RAPGEF5: variants seen among roughly 807,000 people sequenced by gnomAD.
RAPGEF5 encodes M-Ras-regulated GEF.
RAPGEF5 carries 65 observed loss-of-function variants against 125.2 expected under a neutral mutation model. The observed-to-expected ratio is 0.52, with a 90% CI of 0.43 to 0.64. RAPGEF5 has a LOEUF of 0.64. Ranked by LOEUF, RAPGEF5 falls within the 30% of genes least tolerant of loss-of-function variation. The pLI is 0.00. For missense variants in RAPGEF5, 958 were observed against 1,048.1 expected (o/e 0.91, Z 1.19); for synonymous variants, 391 against 385.9 (o/e 1.01, Z -0.16).
At chr7:22,299,800 A>T (rs1215638028) in intron 5 of RAPGEF5, among the ~76,000 whole-genome samples, 2 of 150,410 alleles carry the variant, frequency 1.3e-5, no homozygotes, top group Admixed American at 1.3e-4. Flanking sequence ...CACCTTAAAG[A>T]CTTTCTTCCA....
rs1382538470 is a variant in RAPGEF5, at chr7:22,120,043, C to A, written c.*2363G>T. Reference sequence around the variant, plus strand: ...GAAACTTCTGAGAGCTGCTGCCTGGCAAACCTCTGGAGACAGTTGTTAAAC... The same window carrying A: ...GAAACTTCTGAGAGCTGCTGCCTGGAAAACCTCTGGAGACAGTTGTTAAAC... On this transcript the variant is annotated 3_prime_UTR_variant, in exon 26 of 26. Transcript: ENST00000665637. The surrounding 1 kb of genome is among the most constrained non-coding windows in gnomAD (Gnocchi z 4.0). The A allele has an allele frequency of 6.6e-6, 1 of 152,222 alleles. No individual in the cohort carries two copies. The highest frequency in any genetic ancestry group is 1.5e-5 in the Non-Finnish European group (1 of 68,050). The allele number at this position is 152,222 out of a possible 1,614,324, so 9.4% of individuals were successfully genotyped here.
In RAPGEF5 at chr7:22,301,614, C is replaced by CAA. The variant is rs35404390; in HGVS notation, c.680+6723_680+6724dup. Reference sequence around the variant, plus strand: ...TGGGTGGCAGAGTGAGACTCTGTCTCAAAAAAAAAAAAAAAAAAAAAATTA... The same window carrying CAA: ...TGGGTGGCAGAGTGAGACTCTGTCTCAAAAAAAAAAAAAAAAAAAAAAAATTA... On this transcript the variant is annotated intron_variant, in intron 5 of 25. Coordinates refer to ENST00000665637, the MANE Select transcript of RAPGEF5 (RefSeq NM_012294.5). 1.2e-3 allele frequency among the ~76,000 whole-genome samples: 97 copies of CAA among 83,534 alleles called. 1 individual carries two copies. Among genetic ancestry groups the CAA allele is most frequent in the African/African-American group, 2.7e-3 (57 of 21,264 alleles). The allele number at this position is 83,534 out of a possible 152,430, so 54.8% of individuals were successfully genotyped here.
intron 5 of RAPGEF5, 66 bp downstream of exon 5, chr7:22,308,273 G>A (rs1297582278): frequency 2.8e-6 from 4 of 1,414,680 alleles, no homozygotes; most frequent in Non-Finnish European, 3.8e-6. Flanking sequence ...GCAGAATATA[G>A]TCCCTAGACA....
chr7:22,163,361 G>A (rs1338496996), intron 12 of RAPGEF5, among the ~76,000 whole-genome samples: 1 of 152,160 alleles, frequency 6.6e-6, no homozygotes, highest in Non-Finnish European at 1.5e-5. Context: ...AAAAATGATG[G>A]CCCAGCAGTA....
intron 7 of RAPGEF5, among the ~76,000 whole-genome samples, chr7:22,263,243 T>A (rs1301865127): frequency 6.6e-6 from 1 of 152,178 alleles, no homozygotes. Flanking sequence ...GTTCTGGTTG[T>A]GATACCATAC....
chr7:22,264,051 A>G (rs1281411201), intron 7 of RAPGEF5, among the ~76,000 whole-genome samples: 1 of 152,214 alleles, frequency 6.6e-6, no homozygotes, highest in East Asian at 1.9e-4. Context: ...TCTCCCAAAC[A>G]TCATTTTAAA....
At chr7:22,144,549 G>A (rs1859806) in intron 20 of RAPGEF5, among the ~76,000 whole-genome samples, 73,374 of 151,956 alleles carry the variant, frequency 0.48, 17,922 homozygotes, top group East Asian at 0.62. Flanking sequence ...ATTTAGAGTG[G>A]CTAGAGCATG....
intron 3 of RAPGEF5, among the ~76,000 whole-genome samples, 187 bp downstream of exon 3, chr7:22,315,183 G>T (rs1267480972): frequency 6.6e-6 from 1 of 152,144 alleles, no homozygotes; most frequent in Non-Finnish European, 1.5e-5. Context: ...CAGAACAGGA[G>T]TCAAACTGTA....
chr7:22,275,401 T>C (rs1782533618), intron 6 of RAPGEF5, among the ~76,000 whole-genome samples: 1 of 152,192 alleles, frequency 6.6e-6, no homozygotes, highest in Non-Finnish European at 1.5e-5. Context: ...ATGTTTACAG[T>C]TGTTACTGAG....
chr7:22,197,668 C>T (rs1455629792), intron 9 of RAPGEF5, among the ~76,000 whole-genome samples: 1 of 152,150 alleles, frequency 6.6e-6, no homozygotes, highest in Non-Finnish European at 1.5e-5. Flanking sequence ...CTCAGGAGCA[C>T]TTACTGATGC....
intron 6 of RAPGEF5, among the ~76,000 whole-genome samples, chr7:22,282,273 G>A (rs943603160): frequency 1.3e-5 from 2 of 151,782 alleles, no homozygotes; most frequent in African/African-American, 4.8e-5. Flanking sequence ...TTTTTCCTCT[G>A]AATTCACACA....
rs116541561 is a variant in RAPGEF5, at chr7:22,178,076, C to A, written c.1205-10928G>T. ...GACACCTGGCCATAGCAAATAGATA[C>A]GAGATCAGCCAATTTGCTTTTCAAA... is the stretch of plus-strand genomic sequence containing the variant. On this transcript the variant is annotated intron_variant, in intron 11 of 25. Transcript: ENST00000665637. Among the ~76,000 whole-genome samples, 829 of 151,978 alleles carry A rather than the reference C, an allele frequency of 5.5e-3. 6 individuals are homozygous for A. Among genetic ancestry groups the A allele is most frequent in the African/African-American group, 0.019 (790 of 41,430 alleles).
intron 1 of RAPGEF5, among the ~76,000 whole-genome samples, chr7:22,338,776 G>A (rs924933552): frequency 1.3e-5 from 2 of 152,190 alleles, no homozygotes; most frequent in African/African-American, 2.4e-5. Flanking sequence ...GGAGGAAGAC[G>A]GTGACAGGGA....
At chr7:22,281,197 A>T (rs1782665916) in intron 6 of RAPGEF5, among the ~76,000 whole-genome samples, 1 of 151,984 alleles carries the variant, frequency 6.6e-6, no homozygotes, top group Non-Finnish European at 1.5e-5. Flanking sequence ...AATACAAGGG[A>T]ATTGGAGAAG....
Position 22,283,046 on chromosome 7 carries a change from TAC to T in RAPGEF5, c.747+8127_747+8128del, listed in dbSNP as rs71550469. Among the ~76,000 whole-genome samples the T allele has an allele frequency of 7.8e-4, 116 of 148,338 alleles. 1 individual carries two copies. The highest frequency in any genetic ancestry group is 3.5e-3 in the Middle Eastern group (1 of 282). ...AAAAAAAAAATATTCTGTAAAAAAA[TAC>T]ACACACACACACACACACACACGCA... On this transcript the variant is annotated intron_variant, in intron 6 of 25. Coordinates refer to ENST00000665637, the MANE Select transcript of RAPGEF5 (RefSeq NM_012294.5).
At chr7:22,210,727 T>G (rs1785490364) in intron 9 of RAPGEF5, among the ~76,000 whole-genome samples, 1 of 152,192 alleles carries the variant, frequency 6.6e-6, no homozygotes, top group South Asian at 2.1e-4. Flanking sequence ...GTTAAAATGG[T>G]TGAGCCTTGT....
At chr7:22,243,924 C>T (rs983415995) in intron 7 of RAPGEF5, among the ~76,000 whole-genome samples, 1 of 152,188 alleles carries the variant, frequency 6.6e-6, no homozygotes. Context: ...AACATCTCCC[C>T]AGTCCTCTCC....
chr7:22,171,911 T>A (rs930105999), intron 11 of RAPGEF5, among the ~76,000 whole-genome samples: 1 of 152,234 alleles, frequency 6.6e-6, no homozygotes, highest in South Asian at 2.1e-4. Context: ...AATAATACTT[T>A]CGTAGTGGCT....
At chr7:22,279,029 T>C (rs1583543120) in intron 6 of RAPGEF5, among the ~76,000 whole-genome samples, 1 of 152,184 alleles carries the variant, frequency 6.6e-6, no homozygotes, top group African/African-American at 2.4e-5. Context: ...CTACATAGCC[T>C]ATTCAAACCT....
Sources: allele counts gnomAD v4.1 joint callset (sites outside exome capture counted in the v4.1 genomes callset), GRCh38; gene constraint gnomAD v4.1.1; non-coding constraint Gnocchi (gnomAD v3.1); transcripts MANE v1.5; gene names NCBI Gene and HGNC (gene_info 2026-07-23, HGNC 2026-07-21).